Variants in JMJD1C observed in about 807,000 individuals in gnomAD.
The protein encoded by JMJD1C is jumonji domain containing 1C, also known as jumonji domain-containing protein 1C.
JMJD1C carries 31 observed loss-of-function variants against 245.3 expected under a neutral mutation model. That is an observed-to-expected ratio of 0.13 (90% CI 0.09 to 0.17). JMJD1C has a LOEUF of 0.17. Ranked by LOEUF, JMJD1C falls within the 10% of genes least tolerant of loss-of-function variation. The pLI is 1.00. For missense variants in JMJD1C, 2,691 were observed against 3,000.2 expected, an observed-to-expected ratio of 0.90 and a Z score of 2.41; for synonymous variants, 1,057 against 1,017.4, an observed-to-expected ratio of 1.04 and a Z score of -0.74.
intron 2 of JMJD1C, among the ~76,000 whole-genome samples, chr10:63,302,888 A>G (rs996486344): frequency 2.6e-5 from 4 of 152,168 alleles, no homozygotes; most frequent in Admixed American, 6.5e-5. Context: ...ACTTCTTCCT[A>G]AAGTTTACAT....
intron 2 of JMJD1C, among the ~76,000 whole-genome samples, chr10:63,357,541 G>A (rs1198778410): frequency 6.6e-6 from 1 of 151,920 alleles, no homozygotes; most frequent in Middle Eastern, 3.2e-3. Context: ...CCCGACCTCA[G>A]GTGATCTACC....
chr10:63,465,548 C>T lies in JMJD1C; in HGVS notation c.115G>A (p.Ala39Thr). 2 of 1,602,736 alleles carry T rather than the reference C, an allele frequency of 1.2e-6. No homozygotes were observed. The highest frequency in any genetic ancestry group is 1.7e-6 in the Non-Finnish European group (2 of 1,178,252). ...ESGRGWRSWR[A>T]GVIRAVSHRD... Reference sequence around the variant, plus strand: ...TGTGACACGGCTCGGATGACCCCCGCTCGCCAGCTTCGCCAGCCGCGTCCG... The same window carrying T: ...TGTGACACGGCTCGGATGACCCCCGTTCGCCAGCTTCGCCAGCCGCGTCCG... Residue 39 changes from alanine (A) to threonine (T), a missense_variant, in exon 1 of 26, where the codon GCG becomes ACG. Around this residue, in one of 9 missense-constraint regions of JMJD1C, gnomAD observed 135 missense variants for 115.5 expected, o/e 1.17. Transcript: ENST00000399262.
rs181250462 is a variant in JMJD1C at position 63,452,528 on chromosome 10, G to A, written c.168+12967C>T. ...AGCCACTGTGGAAAACTGTGCAGTG[G>A]TTCCTCACAAAACATAAAATTACCA... On this transcript the variant is annotated intron_variant, in intron 1 of 25. Coordinates refer to ENST00000399262, the MANE Select transcript of JMJD1C (RefSeq NM_032776.3). 2.4e-3 allele frequency among the ~76,000 whole-genome samples: 359 copies of A among 152,252 alleles called. 2 individuals are homozygous for A. Among genetic ancestry groups the A allele is most frequent in the Non-Finnish European group, 3.4e-3 (233 of 68,020 alleles).
intron 3 of JMJD1C, among the ~76,000 whole-genome samples, chr10:63,249,908 T>C (rs1362544811): frequency 6.6e-6 from 1 of 151,956 alleles, no homozygotes; most frequent in African/African-American, 2.4e-5. Context: ...ATTTAAGGTG[T>C]TGGACATCCC....
At chr10:63,326,692 C>G (rs1941562161) in intron 2 of JMJD1C, among the ~76,000 whole-genome samples, 1 of 152,090 alleles carries the variant, frequency 6.6e-6, no homozygotes, top group East Asian at 1.9e-4. Flanking sequence ...CCAGCCTGAC[C>G]AACATGGCGA....
intron 2 of JMJD1C, among the ~76,000 whole-genome samples, chr10:63,305,629 C>CGTGTGTCTGTGTGTGT (rs1938067400): frequency 2.5e-5 from 3 of 121,682 alleles, no homozygotes; most frequent in African/African-American, 8.8e-5. Flanking sequence ...ACCATGCTGG[C>CGTGTGTCTGTGTGTGT]GTGTGTGTGT....
chr10:63,454,117 G>A (rs761519110), intron 1 of JMJD1C, among the ~76,000 whole-genome samples: 6 of 151,714 alleles, frequency 4.0e-5, no homozygotes, highest in Non-Finnish European at 7.4e-5. Flanking sequence ...CAGAATAGCT[G>A]TATCCAATTG....
chr10:63,264,900 T>C (rs1211377996), intron 2 of JMJD1C, 136 bp from the exon 3 acceptor site: 8 of 494,938 alleles, frequency 1.6e-5, no homozygotes. Flanking sequence ...AATTTTCATA[T>C]TATAAACTAA....
intron 2 of JMJD1C, among the ~76,000 whole-genome samples, chr10:63,370,006 T>G (rs1589602992): frequency 6.6e-6 from 1 of 152,356 alleles, no homozygotes; most frequent in African/African-American, 2.4e-5. Context: ...ACCTTTCAGC[T>G]AGTATGTGAT....
At chr10:63,203,818 T>G (rs1352331354) in intron 10 of JMJD1C, 1 of 972,112 alleles carries the variant, frequency 1.0e-6, no homozygotes, top group Non-Finnish European at 1.2e-6. Context: ...TATAACGGTG[T>G]ATGTAATCAT....
At chr10:63,407,326 G>A (rs966673082) in intron 1 of JMJD1C, among the ~76,000 whole-genome samples, 1 of 152,212 alleles carries the variant, frequency 6.6e-6, no homozygotes, top group African/African-American at 2.4e-5. Context: ...GAAGGATTAA[G>A]TGAAAGCTGA....
At chr10:63,429,127 T>C (rs1157983384) in intron 1 of JMJD1C, among the ~76,000 whole-genome samples, 1 of 152,078 alleles carries the variant, frequency 6.6e-6, no homozygotes, top group Admixed American at 6.5e-5. Flanking sequence ...ATTACAAACA[T>C]GCACAACCAC....
chr10:63,513,196 T>C (rs1278043577), intron 1 of JMJD1C, among the ~76,000 whole-genome samples: 2 of 152,062 alleles, frequency 1.3e-5, no homozygotes, highest in Admixed American at 6.5e-5. Flanking sequence ...TCAACAAAAA[T>C]AAGCAATGGG....
At chr10:63,331,344 T>C (rs1359474442) in intron 2 of JMJD1C, among the ~76,000 whole-genome samples, 2 of 152,332 alleles carry the variant, frequency 1.3e-5, no homozygotes, top group East Asian at 3.9e-4. Flanking sequence ...CAAATCTCAA[T>C]TTTACTTACT....
At chr10:63,430,770 T>G (rs548304350) in intron 1 of JMJD1C, among the ~76,000 whole-genome samples, 13 of 152,328 alleles carry the variant, frequency 8.5e-5, no homozygotes, top group African/African-American at 3.1e-4. Context: ...TTATTTATTT[T>G]AGAGACAAGA....
chr10:63,253,989 A>G (rs1363166154), intron 3 of JMJD1C, among the ~76,000 whole-genome samples: 2 of 152,206 alleles, frequency 1.3e-5, no homozygotes, highest in African/African-American at 4.8e-5. Context: ...AAATATATGA[A>G]TTAATGACTC....
chr10:63,241,983 C>T (rs1190325606), intron 3 of JMJD1C, among the ~76,000 whole-genome samples: 1 of 152,150 alleles, frequency 6.6e-6, no homozygotes, highest in Non-Finnish European at 1.5e-5. Flanking sequence ...GAACAGGAAG[C>T]TAACGGGGTT....
chr10:63,399,524 T>C (rs145655146), intron 1 of JMJD1C, among the ~76,000 whole-genome samples: 19 of 152,288 alleles, frequency 1.2e-4, no homozygotes, highest in African/African-American at 4.6e-4. Context: ...GATCTTTTAT[T>C]TCTCTTATAC....
At chr10:63,190,840 C>T in intron 17 of JMJD1C, 54 bp downstream of exon 17, 3 of 1,427,808 alleles carry the variant, frequency 2.1e-6, no homozygotes, top group Non-Finnish European at 3.0e-6. Context: ...ACTAAGTCTC[C>T]AAATCATCTC....
Sources: gnomAD v4.1 joint callset for allele counts (sites outside exome capture counted in the v4.1 genomes callset) on GRCh38, gnomAD v4.1.1 for gene constraint, gnomAD v4.1.1 regional missense constraint, MANE v1.5 for transcripts, NCBI Gene and HGNC (gene_info 2026-07-23, HGNC 2026-07-21) for gene names.